Variants in KCNN2 observed in about 807,000 individuals in gnomAD.
KCNN2 encodes potassium calcium-activated channel subfamily N member 2.
KCNN2 carries 24 observed loss-of-function variants against 55.5 expected under a neutral mutation model. The observed-to-expected ratio is 0.43, with a 90% CI of 0.31 to 0.61. The LOEUF (loss-of-function observed/expected upper bound fraction) is 0.61, where lower values mean the gene tolerates loss of function less well. Among genes scored for constraint, KCNN2 ranks in the 20% least tolerant of loss-of-function variants. The pLI, the probability that KCNN2 is intolerant of heterozygous loss-of-function variation, is 0.08. For synonymous variants in KCNN2, 431 were observed against 336.1 expected, an observed-to-expected ratio of 1.28 and a Z score of -3.09; for missense variants, 754 against 853.6, an observed-to-expected ratio of 0.88 and a Z score of 1.45.
intron 1 of KCNN2, among the ~76,000 whole-genome samples, chr5:114,158,322 G>C (rs1023173147): frequency 6.6e-6 from 1 of 152,238 alleles, no homozygotes; most frequent in East Asian, 1.9e-4. Context: ...TAGTTATGCG[G>C]CATTATTTCT....
intron 2 of KCNN2, among the ~76,000 whole-genome samples, chr5:114,336,015 A>G (rs1756916664): frequency 6.6e-6 from 1 of 152,212 alleles, no homozygotes; most frequent in Non-Finnish European, 1.5e-5. Flanking sequence ...GAAAAACTAA[A>G]TGATGAAAGT....
chr5:114,074,734 A>G (rs1287915341), intron 1 of KCNN2, among the ~76,000 whole-genome samples: 1 of 152,220 alleles, frequency 6.6e-6, no homozygotes, highest in African/African-American at 2.4e-5. Flanking sequence ...AGAGAGATTA[A>G]TATCCTTAGA....
intron 3 of KCNN2, among the ~76,000 whole-genome samples, chr5:114,417,289 G>A (rs1356495703): frequency 6.6e-6 from 1 of 152,158 alleles, no homozygotes; most frequent in East Asian, 1.9e-4. Flanking sequence ...TACATGTCTG[G>A]AAGGGAATGA....
intron 1 of KCNN2, among the ~76,000 whole-genome samples, chr5:114,073,795 A>C (rs1328604477): frequency 6.6e-6 from 1 of 152,224 alleles, no homozygotes; most frequent in Non-Finnish European, 1.5e-5. Flanking sequence ...ATTGAATGCT[A>C]CTTACAAATA....
At chr5:114,079,036 AC>A (rs1750743306) in intron 1 of KCNN2, among the ~76,000 whole-genome samples, 1 of 152,110 alleles carries the variant, frequency 6.6e-6, no homozygotes, top group Admixed American at 6.6e-5. Context: ...GCTTTTAATG[AC>A]CCAAGTATAT....
At chr5:114,405,733 C>T (rs1454768564) in intron 3 of KCNN2, among the ~76,000 whole-genome samples, 21 of 149,250 alleles carry the variant, frequency 1.4e-4, no homozygotes, top group Admixed American at 1.0e-3. Flanking sequence ...TTTTTTGAGA[C>T]GGAGTCTCGC....
chr5:114,147,888 G>A (rs1027392715), intron 1 of KCNN2, among the ~76,000 whole-genome samples: 4 of 152,180 alleles, frequency 2.6e-5, no homozygotes, highest in Admixed American at 6.5e-5. Context: ...AATTTTATTA[G>A]GAGCAATGTG....
intron 2 of KCNN2, among the ~76,000 whole-genome samples, chr5:114,307,825 A>G (rs1198303275): frequency 2.6e-5 from 4 of 152,154 alleles, no homozygotes; most frequent in Non-Finnish European, 4.4e-5. Context: ...CCAAGCTTCA[A>G]TGAACCATCC....
At chr5:114,218,306 C>T (rs976499249) in intron 1 of KCNN2, among the ~76,000 whole-genome samples, 2 of 152,154 alleles carry the variant, frequency 1.3e-5, no homozygotes, top group South Asian at 2.1e-4. Context: ...CAGCTTTATT[C>T]GTTCATAATT....
chr5:114,293,279 A>G (rs1344631642), intron 2 of KCNN2, among the ~76,000 whole-genome samples: 2 of 152,134 alleles, frequency 1.3e-5, no homozygotes, highest in East Asian at 3.9e-4. Flanking sequence ...CAGTTTTCAA[A>G]GGGAATGCTT....
intron 2 of KCNN2, among the ~76,000 whole-genome samples, chr5:114,329,657 A>G (rs1233997680): frequency 6.6e-6 from 1 of 152,116 alleles, no homozygotes; most frequent in Non-Finnish European, 1.5e-5. Context: ...CAGATGGCCT[A>G]TTGTGGGACT....
intron 1 of KCNN2, among the ~76,000 whole-genome samples, chr5:114,057,526 G>A (rs769936552): frequency 6.6e-6 from 1 of 152,232 alleles, no homozygotes; most frequent in African/African-American, 2.4e-5. Context: ...CTCTGTGCCA[G>A]GTGCTGTGCT....
At chr5:114,319,103 C>T (rs545756131) in intron 2 of KCNN2, among the ~76,000 whole-genome samples, 2 of 152,200 alleles carry the variant, frequency 1.3e-5, no homozygotes, top group African/African-American at 4.8e-5. Flanking sequence ...CATTCCCACC[C>T]AGAGACTGAG....
chr5:114,312,323 C>T (rs934394196), intron 2 of KCNN2, among the ~76,000 whole-genome samples: 10 of 148,988 alleles, frequency 6.7e-5, no homozygotes, highest in African/African-American at 2.5e-4. Context: ...ACTCAAATCA[C>T]TTGATTTGGC....
Position 114,495,909 on chromosome 5 carries a change from GTATGA to G in KCNN2, c.2110_2114del (p.Met704PhefsTer2). On this transcript the variant is annotated frameshift_variant, in exon 8 of 8. Transcript: ENST00000673685. LOFTEE classifies it high-confidence loss of function. ...CTGTTTTTCAGACCCAGAACATCAT[GTATGA>G]TATGATTTCTGACTTAAACGAAAGG... 1 of 1,613,606 alleles carries G rather than the reference GTATGA, an allele frequency of 6.2e-7. No individual in the cohort carries two copies. Among genetic ancestry groups the G allele is most frequent in the Middle Eastern group, 1.7e-4 (1 of 6,058 alleles).
intron 1 of KCNN2, among the ~76,000 whole-genome samples, chr5:114,182,017 A>AG (rs1753250101): frequency 6.6e-6 from 1 of 152,178 alleles, no homozygotes; most frequent in Non-Finnish European, 1.5e-5. Context: ...CTGTGTCAAA[A>AG]AAAAAAATTA....
chr5:114,373,375 C>A (rs1402654925), intron 2 of KCNN2, among the ~76,000 whole-genome samples: 1 of 151,406 alleles, frequency 6.6e-6, no homozygotes, highest in Non-Finnish European at 1.5e-5. Context: ...CCAAATACTC[C>A]CAATTGTTTT....
chr5:114,452,454 AT>A (rs1484771708), intron 3 of KCNN2, among the ~76,000 whole-genome samples: 1 of 152,112 alleles, frequency 6.6e-6, no homozygotes, highest in Non-Finnish European at 1.5e-5. Flanking sequence ...GCCTTACCAC[AT>A]TTTAAGCTTC....
Position 114,476,496 on chromosome 5 carries a change from G to A in KCNN2, c.1890+3332G>A, listed in dbSNP as rs111358204. On this transcript the variant is annotated intron_variant, in intron 5 of 7. Coordinates refer to ENST00000673685, the MANE Select transcript of KCNN2 (RefSeq NM_021614.4). Reference sequence around the variant, plus strand: ...GTTGCCCAGGCTGCAGTACAGTGGCGCAACCTCCACCTCCTGGATTCAAGT... The same window carrying A: ...GTTGCCCAGGCTGCAGTACAGTGGCACAACCTCCACCTCCTGGATTCAAGT... Among the ~76,000 whole-genome samples, 738 of 150,544 alleles carry A rather than the reference G, an allele frequency of 4.9e-3. 5 individuals carry two copies. The highest frequency in any genetic ancestry group is 0.017 in the African/African-American group (699 of 40,878).
Sources: gnomAD v4.1 joint callset for allele counts (sites outside exome capture counted in the v4.1 genomes callset) on GRCh38, gnomAD v4.1.1 for gene constraint, MANE v1.5 for transcripts, NCBI Gene and HGNC (gene_info 2026-07-23, HGNC 2026-07-21) for gene names.